The following KIF6 variants were observed in gnomAD, a reference collection of about 807,000 sequenced individuals.
The protein encoded by KIF6 is kinesin-like protein KIF6.
In KIF6, 106 loss-of-function variants were observed where a neutral mutation model predicts 112.7. The ratio of observed to expected loss-of-function variants is 0.94; its 90% CI spans 0.80 to 1.11. The LOEUF (loss-of-function observed/expected upper bound fraction) is 1.11, where lower values mean the gene tolerates loss of function less well. Ranked by LOEUF, KIF6 falls within the 50% of genes least tolerant of loss-of-function variation. The pLI, the probability that KIF6 is intolerant of heterozygous loss-of-function variation, is 0.00. For synonymous variants in KIF6, 339 were observed against 339.9 expected (o/e 1.00, Z 0.03); for missense variants, 929 against 964.0 (o/e 0.96, Z 0.48).
chr6:39,487,407 A>G (rs1357217142), intron 13 of KIF6, among the ~76,000 whole-genome samples: 1 of 152,188 alleles, frequency 6.6e-6, no homozygotes, highest in Non-Finnish European at 1.5e-5. Context: ...TCCAGCACCC[A>G]AAGACTGGTC....
chr6:39,656,557 C>T (rs138366453), intron 3 of KIF6, among the ~76,000 whole-genome samples: 1 of 152,336 alleles, frequency 6.6e-6, no homozygotes, highest in African/African-American at 2.4e-5. Flanking sequence ...TCTCACATGT[C>T]ATTTCCCATG....
At position 39,490,907 on chromosome 6, in the gene KIF6, G is replaced by A. The variant is rs528991934; in HGVS notation, c.1645+49096C>T. On this transcript the variant is annotated intron_variant, in intron 13 of 22. Coordinates refer to ENST00000287152, the MANE Select transcript of KIF6 (RefSeq NM_145027.6). Reference sequence around the variant, plus strand: ...TTTATTTAGTAGCTACTACATAAATGTAGAGCTGTGTTGCAGATATGTTAC... The same window carrying A: ...TTTATTTAGTAGCTACTACATAAATATAGAGCTGTGTTGCAGATATGTTAC... 1.7e-4 allele frequency among the ~76,000 whole-genome samples: 26 copies of A among 152,248 alleles called. No homozygotes were observed. In the South Asian group the frequency reaches 3.1e-3, roughly 18 times the overall value.
chr6:39,598,237 G>T (rs1250184542), intron 6 of KIF6, among the ~76,000 whole-genome samples: 1 of 151,980 alleles, frequency 6.6e-6, no homozygotes, highest in South Asian at 2.1e-4. Flanking sequence ...TTGCAAATCA[G>T]TGAGAAAAAG....
intron 9 of KIF6, among the ~76,000 whole-genome samples, chr6:39,580,207 C>A (rs1421873070): frequency 6.6e-6 from 1 of 151,982 alleles, no homozygotes; most frequent in Admixed American, 6.5e-5. Context: ...CCTTACGTGT[C>A]TTTAATTATA....
intron 13 of KIF6, among the ~76,000 whole-genome samples, chr6:39,533,254 G>A (rs554669745): frequency 3.3e-5 from 5 of 152,314 alleles, no homozygotes; most frequent in South Asian, 2.1e-4. Flanking sequence ...TTCCCTTTCC[G>A]AGTCAAAGAA....
chr6:39,633,864 C>T (rs1178082544), intron 5 of KIF6, among the ~76,000 whole-genome samples: 6 of 152,176 alleles, frequency 3.9e-5, no homozygotes, highest in Non-Finnish European at 7.3e-5. Context: ...CACACACATA[C>T]ACAAAAGTGG....
chr6:39,385,574 A>G, intron 16 of KIF6, 48 bp downstream of exon 16: 1 of 1,450,688 alleles, frequency 6.9e-7, no homozygotes, highest in South Asian at 1.1e-5. Context: ...AAATCAGGTC[A>G]GTTTATATTA....
chr6:39,642,529 T>C (rs1784960167), intron 3 of KIF6, among the ~76,000 whole-genome samples: 1 of 152,066 alleles, frequency 6.6e-6, no homozygotes. Flanking sequence ...CTGGGAGCTC[T>C]CTGGAAAAGC....
chr6:39,381,959 T>C (rs1290451203), intron 16 of KIF6, among the ~76,000 whole-genome samples: 7 of 152,130 alleles, frequency 4.6e-5, no homozygotes, highest in South Asian at 2.1e-4. Context: ...AAGCCTGTGA[T>C]TGAAAACATA....
chr6:39,655,133 T>A (rs1333021422), intron 3 of KIF6, among the ~76,000 whole-genome samples: 3 of 152,358 alleles, frequency 2.0e-5, no homozygotes, highest in African/African-American at 7.2e-5. Flanking sequence ...ATTTTGCCAA[T>A]TTGATGAAAG....
At chr6:39,586,458 G>GGGCCGGGCGCGGTGGCTCACGCCTGTA in intron 7 of KIF6, 54 bp from the exon 8 acceptor site, 1 of 1,447,842 alleles carries the variant, frequency 6.9e-7, no homozygotes, top group Non-Finnish European at 9.7e-7. Context: ...ATGCACTCCT[G>GGGCCGGGCGCGGTGGCTCACGCCTGTA]ACAAACAACA....
At chr6:39,493,752 C>A (rs898762346) in intron 13 of KIF6, among the ~76,000 whole-genome samples, 2 of 152,192 alleles carry the variant, frequency 1.3e-5, no homozygotes, top group African/African-American at 4.8e-5. Flanking sequence ...AAATTGTACA[C>A]GATTTCATTT....
chr6:39,666,121 C>T (rs1014135012), intron 3 of KIF6, among the ~76,000 whole-genome samples: 5 of 152,134 alleles, frequency 3.3e-5, no homozygotes, highest in Non-Finnish European at 7.4e-5. Flanking sequence ...TTCAAGTATT[C>T]GTGGCCAATC....
chr6:39,412,085 G>A (rs1034570335), intron 15 of KIF6, among the ~76,000 whole-genome samples: 1 of 152,080 alleles, frequency 6.6e-6, no homozygotes, highest in Non-Finnish European at 1.5e-5. Context: ...TTTCTTGGTG[G>A]CATTCCAACC....
At chr6:39,478,193 C>A (rs1056923869) in intron 13 of KIF6, among the ~76,000 whole-genome samples, 2 of 151,936 alleles carry the variant, frequency 1.3e-5, no homozygotes, top group East Asian at 1.9e-4. Flanking sequence ...TCTGTTACCC[C>A]CCTTTCACCC....
At chr6:39,336,609 G>A (rs1762919842) in intron 22 of KIF6, 61 bp from the exon 23 acceptor site, 1 of 1,540,892 alleles carries the variant, frequency 6.5e-7, no homozygotes, top group African/African-American at 1.4e-5. Context: ...CTTTTCCCAG[G>A]ATTGAATCGG....
intron 3 of KIF6, among the ~76,000 whole-genome samples, chr6:39,696,917 G>A (rs1699200661): frequency 1.3e-5 from 2 of 151,464 alleles, no homozygotes; most frequent in Admixed American, 1.3e-4. Context: ...ACCTCCCATG[G>A]TTAGACAGAT....
rs762932576 is a variant in KIF6 at position 39,544,611 on chromosome 6, T to C, written c.1370A>G (p.Lys457Arg). 6.2e-7 allele frequency: 1 copy of C among 1,612,530 alleles called. No individual in the cohort carries two copies. Among genetic ancestry groups the C allele is most frequent in the South Asian group, 1.1e-5 (1 of 90,940 alleles). ...SKDQDCQEPL[K>R]EEEYRKLRDI... The stretch of plus-strand genomic sequence containing the variant: ...TCGTAGCTTTCTATATTCTTCTTCT[T>C]TTAATGGTTCTTGACAATCTTGGTC... Residue 457 changes from lysine (K) to arginine (R), a missense_variant, in exon 12 of 23, where the codon AAA becomes AGA. Physicochemically the swap from Lys to Arg is conservative, Grantham distance 26. Transcript: ENST00000287152.
chr6:39,680,405 C>T (rs1787445157), intron 3 of KIF6, among the ~76,000 whole-genome samples: 1 of 152,210 alleles, frequency 6.6e-6, no homozygotes. Flanking sequence ...CATCATAGCT[C>T]TGGCTTTCAG....
Sources: allele counts gnomAD v4.1 joint callset (sites outside exome capture counted in the v4.1 genomes callset), GRCh38; gene constraint gnomAD v4.1.1; transcripts MANE v1.5; gene names NCBI Gene and HGNC (gene_info 2026-07-23, HGNC 2026-07-21).